The following SMYD3 variants were observed in gnomAD, a reference collection of about 807,000 sequenced individuals.
SMYD3 encodes the protein histone-lysine N-methyltransferase SMYD3.
SMYD3 carries 36 observed loss-of-function variants against 57.7 expected under a neutral mutation model. That is an observed-to-expected ratio of 0.62 (90% CI 0.48 to 0.82). The LOEUF is 0.82. SMYD3 is among the 40% of genes least tolerant of loss of function. The pLI is 0.00. For synonymous variants in SMYD3, 211 were observed against 195.0 expected (o/e 1.08, Z -0.68); for missense variants, 515 against 538.8 (o/e 0.96, Z 0.44).
chr1:246,042,307 T>C (rs916850332), intron 5 of SMYD3, among the ~76,000 whole-genome samples: 4 of 152,136 alleles, frequency 2.6e-5, no homozygotes, highest in African/African-American at 4.8e-5. Flanking sequence ...GAAACTAAGA[T>C]TGGAAACAAA....
In SMYD3 at chr1:246,046,874, GA is replaced by G. The variant is rs1317138913; in HGVS notation, c.532-116938del. On this transcript the variant is annotated intron_variant, in intron 5 of 11. Transcript: ENST00000490107. Reference sequence around the variant, plus strand: ...TCTCTGTACCAGAGATAAACAGCTAGAAAATCAAATGAAAAATATTTTATAA... The same window carrying G: ...TCTCTGTACCAGAGATAAACAGCTAGAAATCAAATGAAAAATATTTTATAA... Among the ~76,000 whole-genome samples the G allele has an allele frequency of 2.0e-5, 3 of 151,226 alleles. No individual in the cohort carries two copies. The East Asian group carries it at 5.8e-4, about 29-fold the overall frequency.
intron 5 of SMYD3, among the ~76,000 whole-genome samples, chr1:246,026,790 G>A (rs1269775014): frequency 1.3e-5 from 2 of 152,112 alleles, no homozygotes; most frequent in African/African-American, 4.8e-5. Context: ...CCTTACAATG[G>A]CCTCTAAGTG....
At chr1:245,789,402 C>A (rs909593112) in intron 10 of SMYD3, among the ~76,000 whole-genome samples, 2 of 151,990 alleles carry the variant, frequency 1.3e-5, no homozygotes, top group African/African-American at 4.8e-5. Context: ...TAATAGTCTG[C>A]AATACGGCAA....
At chr1:246,023,129 T>C (rs1400533018) in intron 5 of SMYD3, among the ~76,000 whole-genome samples, 3 of 152,218 alleles carry the variant, frequency 2.0e-5, no homozygotes, top group Non-Finnish European at 4.4e-5. Flanking sequence ...ACAGTGTAAC[T>C]GCCCTGGTTT....
At chr1:246,346,152 C>T (rs1303859637) in intron 2 of SMYD3, among the ~76,000 whole-genome samples, 3 of 152,006 alleles carry the variant, frequency 2.0e-5, no homozygotes, top group Non-Finnish European at 4.4e-5. Flanking sequence ...GGCGTGGTGG[C>T]GGGCACCTGT....
intron 5 of SMYD3, among the ~76,000 whole-genome samples, chr1:246,073,512 T>A (rs983737522): frequency 1.3e-5 from 2 of 150,628 alleles, no homozygotes; most frequent in African/African-American, 4.9e-5. Flanking sequence ...AGCCCAGGAG[T>A]TCAAGACCAG....
chr1:245,983,931 A>G (rs2058650839), intron 5 of SMYD3, among the ~76,000 whole-genome samples: 1 of 152,092 alleles, frequency 6.6e-6, no homozygotes, highest in Non-Finnish European at 1.5e-5. Flanking sequence ...TTATAGGTCA[A>G]TTAGAATGCA....
At chr1:245,999,235 A>G (rs1400009992) in intron 5 of SMYD3, among the ~76,000 whole-genome samples, 3 of 152,198 alleles carry the variant, frequency 2.0e-5, no homozygotes, top group Non-Finnish European at 4.4e-5. Flanking sequence ...AATAAAAAAA[A>G]AATAAGAGCT....
intron 5 of SMYD3, among the ~76,000 whole-genome samples, chr1:246,227,646 G>A (rs2063349097): frequency 6.6e-6 from 1 of 151,538 alleles, no homozygotes; most frequent in Admixed American, 6.6e-5. Flanking sequence ...GAAGAAGAAG[G>A]AAGAAGGAAG....
At chr1:246,093,132 G>T (rs1179766212) in intron 5 of SMYD3, among the ~76,000 whole-genome samples, 1 of 152,174 alleles carries the variant, frequency 6.6e-6, no homozygotes, top group Non-Finnish European at 1.5e-5. Flanking sequence ...CAAGGATGTA[G>T]AGAAGGGGGA....
intron 10 of SMYD3, among the ~76,000 whole-genome samples, chr1:245,816,901 G>A (rs545508304): frequency 6.6e-5 from 10 of 151,450 alleles, no homozygotes; most frequent in East Asian, 5.8e-4. Flanking sequence ...GGTCCTACCC[G>A]ACGGAGTCTC....
intron 10 of SMYD3, among the ~76,000 whole-genome samples, chr1:245,830,658 T>C (rs2049780784): frequency 6.6e-6 from 1 of 152,182 alleles, no homozygotes; most frequent in Non-Finnish European, 1.5e-5. Flanking sequence ...AATCAACAGA[T>C]ATTGCTCAGA....
chr1:246,316,623 C>CA (rs2065164475), intron 5 of SMYD3, among the ~76,000 whole-genome samples: 1 of 145,112 alleles, frequency 6.9e-6, no homozygotes, highest in Admixed American at 6.9e-5. Context: ...TCAGGTGATC[C>CA]ACCCACCTTG....
chr1:245,894,059 G>A (rs1225866232), intron 8 of SMYD3, among the ~76,000 whole-genome samples: 2 of 152,222 alleles, frequency 1.3e-5, no homozygotes, highest in African/African-American at 4.8e-5. Context: ...CCTCGTGAGA[G>A]GTGAAGCCAG....
At chr1:246,114,698 T>C (rs1264566155) in intron 5 of SMYD3, among the ~76,000 whole-genome samples, 7 of 151,880 alleles carry the variant, frequency 4.6e-5, no homozygotes, top group Non-Finnish European at 1.0e-4. Context: ...TGGTGTGATC[T>C]CGGCTCACTG....
intron 5 of SMYD3, among the ~76,000 whole-genome samples, chr1:246,296,457 A>T (rs1486755299): frequency 6.6e-6 from 1 of 152,212 alleles, no homozygotes; most frequent in Admixed American, 6.5e-5. Context: ...TACATTCATG[A>T]CAGAAGAAAC....
intron 5 of SMYD3, among the ~76,000 whole-genome samples, chr1:246,099,734 C>A (rs2060976710): frequency 6.6e-6 from 1 of 152,160 alleles, no homozygotes; most frequent in South Asian, 2.1e-4. Context: ...TCAAGGGTTT[C>A]ATGAAAGACC....
chr1:245,784,125 C>T (rs2046941791), intron 10 of SMYD3, among the ~76,000 whole-genome samples: 1 of 152,202 alleles, frequency 6.6e-6, no homozygotes, highest in Non-Finnish European at 1.5e-5. Flanking sequence ...GATCTGATTT[C>T]AAATGTTTCT....
At chr1:245,915,851 A>G (rs1334740571) in intron 7 of SMYD3, among the ~76,000 whole-genome samples, 5 of 152,202 alleles carry the variant, frequency 3.3e-5, no homozygotes, top group Non-Finnish European at 7.3e-5. Context: ...TATGTGGTAA[A>G]TATATATGTA....
Sources: allele counts gnomAD v4.1 joint callset (sites outside exome capture counted in the v4.1 genomes callset), GRCh38; gene constraint gnomAD v4.1.1; transcripts MANE v1.5; gene names NCBI Gene and HGNC (gene_info 2026-07-23, HGNC 2026-07-21).